ARID4B: variants seen among roughly 807,000 people sequenced by gnomAD.
The protein encoded by ARID4B is AT-rich interaction domain 4B, also known as AT-rich interactive domain-containing protein 4B.
In ARID4B, 26 loss-of-function variants were observed where a neutral mutation model predicts 147.5. That is an observed-to-expected ratio of 0.18 (90% confidence interval 0.13 to 0.24). The LOEUF (loss-of-function observed/expected upper bound fraction) is 0.24, where lower values mean the gene tolerates loss of function less well. ARID4B is among the 10% of genes least tolerant of loss of function. The pLI is 1.00. For missense variants in ARID4B, 1,179 were observed against 1,511.5 expected (o/e 0.78, Z 3.65); for synonymous variants, 512 against 507.9 (o/e 1.01, Z -0.11).
At chr1:235,175,525 G>C in intron 21 of ARID4B, 126 bp from the exon 22 acceptor site, 2 of 721,142 alleles carry the variant, frequency 2.8e-6, no homozygotes, top group Non-Finnish European at 4.5e-6. Flanking sequence ...CTAGAAACCT[G>C]GAAAATCATA....
chr1:235,240,525 A>G, intron 7 of ARID4B, 74 bp from the exon 8 acceptor site: 1 of 1,357,630 alleles, frequency 7.4e-7, no homozygotes, highest in Non-Finnish European at 1.0e-6. Context: ...GAATATAGGT[A>G]TTCCCAAACT....
chr1:235,311,699 G>A (rs753989044), intron 2 of ARID4B, among the ~76,000 whole-genome samples: 4 of 151,366 alleles, frequency 2.6e-5, no homozygotes, highest in Admixed American at 6.6e-5. Flanking sequence ...TCTTGAACCC[G>A]GGAGGCAGAG....
Position 235,271,561 on chromosome 1 carries a change from C to T in ARID4B, c.7-10809G>A, listed in dbSNP as rs186054228. 3.1e-4 allele frequency among the ~76,000 whole-genome samples: 47 copies of T among 151,866 alleles called. No homozygotes were observed. In the South Asian group the frequency reaches 7.5e-3, roughly 24 times the overall value. ...AGGAGTATCACTTGGACTCGGGAGG[C>T]GGAGATTGCAGTGAGCCGAGTTTGC... On this transcript the variant is annotated intron_variant, in intron 2 of 23. Coordinates refer to ENST00000264183, the MANE Select transcript of ARID4B (RefSeq NM_016374.6).
At chr1:235,245,427 A>AT (rs1247096223) in intron 7 of ARID4B, among the ~76,000 whole-genome samples, 1 of 152,182 alleles carries the variant, frequency 6.6e-6, no homozygotes, top group African/African-American at 2.4e-5. Context: ...TTTTAAATTT[A>AT]TTTTTACACT....
Position 235,182,640 on chromosome 1 carries a change from A to G in ARID4B, c.2279T>C (p.Leu760Pro). The G allele has an allele frequency of 6.2e-7, 1 of 1,613,750 alleles. No homozygotes were observed. The highest frequency in any genetic ancestry group is 8.5e-7 in the Non-Finnish European group (1 of 1,180,000). The change falls in exon 20 of 24, where the codon CTA (leucine) becomes CCA (proline). Residue 760 changes from leucine to proline, a missense_variant. This residue lies in a region of ARID4B where 321 missense variants were observed against 342.4 expected (regional missense o/e 0.94). Coordinates refer to ENST00000264183, the MANE Select transcript of ARID4B (RefSeq NM_016374.6). ...ATCTGCATGAACTTTGTTTTCTTCTAGCAAAGATGAACTGTTCTGTTCCTC... is the reference window on the plus strand; with the variant it reads ...ATCTGCATGAACTTTGTTTTCTTCTGGCAAAGATGAACTGTTCTGTTCCTC... ...SKEEQNSSSL[L>P]EENKVHADLV...
chr1:235,268,533 A>G (rs901239095), intron 2 of ARID4B, among the ~76,000 whole-genome samples: 3 of 152,054 alleles, frequency 2.0e-5, no homozygotes, highest in African/African-American at 7.2e-5. Context: ...TGATTTATTT[A>G]TTTATTTTTA....
intron 16 of ARID4B, among the ~76,000 whole-genome samples, chr1:235,214,891 T>G (rs1666955690): frequency 7.3e-6 from 1 of 137,216 alleles, no homozygotes; most frequent in Admixed American, 8.6e-5. Context: ...CAGGCTGGAG[T>G]GGTGCAATGG....
chr1:235,182,498 G>A lies in ARID4B; in HGVS notation c.2421C>T (p.Val807=), dbSNP rs59573098. The A allele has an allele frequency of 5.3e-3, 8,604 of 1,613,266 alleles. 400 individuals are homozygous for A. In the African/African-American group the frequency reaches 0.1, roughly 19 times the overall value. ...EDEVTKKRKD[V]KKDTTDKSSK... ...AAGATTTATCTGTTGTGTCCTTCTT[G>A]ACATCCTTTCTCTTTTTTGTGACTT... The change falls in exon 20 of 24, where the codon GTC becomes GTT. Residue 807 remains valine (V), a synonymous_variant. Transcript: ENST00000264183.
chr1:235,321,785 C>A (rs1403005319), intron 2 of ARID4B, among the ~76,000 whole-genome samples: 2 of 152,084 alleles, frequency 1.3e-5, no homozygotes, highest in Non-Finnish European at 2.9e-5. Context: ...AGGTGTGAGC[C>A]ACTGTGCCCG....
At position 235,316,282 on chromosome 1, in the gene ARID4B, C is replaced by T. The variant is rs553525119; in HGVS notation, c.6+10632G>A. On this transcript the variant is annotated intron_variant, in intron 2 of 23. Coordinates refer to ENST00000264183, the MANE Select transcript of ARID4B (RefSeq NM_016374.6). ...CAGCACTTTGGAAGGCTGAGGCGGG[C>T]GGATCACTTGAGGTCAGGAGTTCGA... is the stretch of plus-strand genomic sequence containing the variant. Among the ~76,000 whole-genome samples the T allele has an allele frequency of 1.1e-3, 172 of 151,080 alleles. 1 individual carries two copies. The highest frequency in any genetic ancestry group is 4.1e-3 in the African/African-American group (169 of 41,180).
chr1:235,303,291 A>C (rs1373589114), intron 2 of ARID4B, among the ~76,000 whole-genome samples: 1 of 152,076 alleles, frequency 6.6e-6, no homozygotes, highest in Non-Finnish European at 1.5e-5. Context: ...CCTGAATTTT[A>C]TGTTATCTAA....
chr1:235,269,883 A>G (rs749530515), intron 2 of ARID4B, among the ~76,000 whole-genome samples: 5 of 152,042 alleles, frequency 3.3e-5, no homozygotes, highest in African/African-American at 4.8e-5. Flanking sequence ...TTTTCTATTA[A>G]TTATCTATTT....
At chr1:235,225,696 T>C (rs965426121) in intron 11 of ARID4B, among the ~76,000 whole-genome samples, 3 of 152,360 alleles carry the variant, frequency 2.0e-5, no homozygotes, top group Middle Eastern at 3.4e-3. Context: ...TACAGATTTG[T>C]AACAGTAAAA....
At chr1:235,169,320 A>C (rs1424580345) in intron 23 of ARID4B, among the ~76,000 whole-genome samples, 1 of 151,566 alleles carries the variant, frequency 6.6e-6, no homozygotes, top group African/African-American at 2.4e-5. Context: ...GGCTCACTAA[A>C]AGTTCTGCCT....
At chr1:235,291,619 T>C (rs1672343305) in intron 2 of ARID4B, among the ~76,000 whole-genome samples, 1 of 151,900 alleles carries the variant, frequency 6.6e-6, no homozygotes, top group South Asian at 2.1e-4. Flanking sequence ...GCAGATCACT[T>C]GAGGCCAGGA....
chr1:235,278,310 ACATGCCCTCCTACCTAAATGTGTTAAC>A, intron 2 of ARID4B, among the ~76,000 whole-genome samples: 1 of 152,266 alleles, frequency 6.6e-6, no homozygotes, highest in South Asian at 2.1e-4. Context: ...TCATTATCAA[ACATGCCCTCCTACCTAAATGTGTTAAC>A]CATGCCCACC....
intron 5 of ARID4B, among the ~76,000 whole-genome samples, chr1:235,255,267 A>AGATCGATC (rs1553304359): frequency 5.1e-5 from 7 of 137,154 alleles, no homozygotes; most frequent in African/African-American, 1.9e-4. Flanking sequence ...AGATAGATAT[A>AGATCGATC]TATCTCTCTC....
chr1:235,283,508 A>T (rs1671790932), intron 2 of ARID4B, among the ~76,000 whole-genome samples: 1 of 152,220 alleles, frequency 6.6e-6, no homozygotes, highest in Non-Finnish European at 1.5e-5. Flanking sequence ...TCTTTTTCCT[A>T]CCTGATTTTC....
chr1:235,178,747 T>C (rs1450482741), intron 20 of ARID4B, among the ~76,000 whole-genome samples: 1 of 152,152 alleles, frequency 6.6e-6, no homozygotes, highest in Non-Finnish European at 1.5e-5. Context: ...TAAAGTACTA[T>C]CTCCATTCAG....
Sources: allele counts gnomAD v4.1 joint callset (sites outside exome capture counted in the v4.1 genomes callset), GRCh38; gene constraint gnomAD v4.1.1; regional missense constraint gnomAD v4.1.1; transcripts MANE v1.5; gene names NCBI Gene and HGNC (gene_info 2026-07-23, HGNC 2026-07-21).